The following ANKS1B variants were observed in gnomAD, a reference collection of about 807,000 sequenced individuals.
ANKS1B encodes the protein ankyrin repeat and sterile alpha motif domain containing 1B, also known as ankyrin repeat and sterile alpha motif domain-containing protein 1B.
A neutral mutation model predicts 148.3 loss-of-function variants in ANKS1B; 36 were observed. The observed-to-expected ratio is 0.24, with a 90% confidence interval of 0.19 to 0.32. ANKS1B has a LOEUF of 0.32. ANKS1B is among the 10% of genes least tolerant of loss of function. The pLI is 1.00. For missense variants in ANKS1B, 1,157 were observed against 1,542.6 expected (o/e 0.75, Z 4.19); for synonymous variants, 542 against 560.8 (o/e 0.97, Z 0.47).
chr12:99,066,050 T>G (rs933645099), intron 16 of ANKS1B, among the ~76,000 whole-genome samples: 3 of 152,042 alleles, frequency 2.0e-5, no homozygotes, highest in African/African-American at 7.2e-5. Context: ...GCACAGTGAC[T>G]CATGTCTGTA....
intron 1 of ANKS1B, among the ~76,000 whole-genome samples, chr12:99,898,006 A>T (rs1218958724): frequency 6.6e-6 from 1 of 151,966 alleles, no homozygotes; most frequent in East Asian, 1.9e-4. Context: ...CAATGATGGA[A>T]GGCATAATTT....
chr12:99,890,287 C>T (rs546763968), intron 1 of ANKS1B, among the ~76,000 whole-genome samples: 13 of 151,954 alleles, frequency 8.6e-5, no homozygotes, highest in African/African-American at 2.9e-4. Flanking sequence ...ATTAGATTAC[C>T]CTCCCTAATG....
At chr12:99,640,861 A>C (rs1056492402) in intron 9 of ANKS1B, among the ~76,000 whole-genome samples, 1 of 152,226 alleles carries the variant, frequency 6.6e-6, no homozygotes, top group Non-Finnish European at 1.5e-5. Context: ...ATAAGGAGTC[A>C]TTACGACTTT....
intron 17 of ANKS1B, among the ~76,000 whole-genome samples, chr12:98,914,510 G>T (rs2099791408): frequency 6.6e-6 from 1 of 152,110 alleles, no homozygotes; most frequent in Non-Finnish European, 1.5e-5. Context: ...GCCAAAGAAA[G>T]TCCTTAGAGT....
At chr12:99,574,804 C>T (rs1440242345) in intron 9 of ANKS1B, among the ~76,000 whole-genome samples, 2 of 151,986 alleles carry the variant, frequency 1.3e-5, no homozygotes. Context: ...CTATGGAAAC[C>T]TTACAATTAA....
At chr12:99,853,437 C>T (rs1565864773) in intron 1 of ANKS1B, among the ~76,000 whole-genome samples, 2 of 152,234 alleles carry the variant, frequency 1.3e-5, no homozygotes, top group East Asian at 3.9e-4. Flanking sequence ...CCAGTACCAG[C>T]CCAGAGCCTG....
At chr12:98,773,686 C>T (rs1005296108) in intron 24 of ANKS1B, among the ~76,000 whole-genome samples, 8 of 152,168 alleles carry the variant, frequency 5.3e-5, no homozygotes, top group Non-Finnish European at 7.3e-5. Context: ...GAACTCCTGA[C>T]CTCAGGTGAT....
intron 12 of ANKS1B, among the ~76,000 whole-genome samples, chr12:99,308,711 C>G (rs1229741309): frequency 2.6e-5 from 4 of 151,688 alleles, no homozygotes; most frequent in Non-Finnish European, 5.9e-5. Context: ...TGAATAACAT[C>G]TCTATGATAT....
At chr12:98,977,939 A>C (rs2099900207) in intron 17 of ANKS1B, among the ~76,000 whole-genome samples, 1 of 152,146 alleles carries the variant, frequency 6.6e-6, no homozygotes, top group Non-Finnish European at 1.5e-5. Context: ...AGCTCATCAA[A>C]CTATGGAATT....
intron 14 of ANKS1B, among the ~76,000 whole-genome samples, chr12:99,227,591 G>C (rs1235491203): frequency 6.6e-6 from 1 of 152,112 alleles, no homozygotes; most frequent in Non-Finnish European, 1.5e-5. Flanking sequence ...GCAAGAAATG[G>C]GCAATTGTGA....
chr12:98,827,678 T>C (rs1267692980), intron 19 of ANKS1B, among the ~76,000 whole-genome samples: 6 of 152,300 alleles, frequency 3.9e-5, no homozygotes, highest in Middle Eastern at 3.4e-3. Context: ...CCCTGCAGTA[T>C]ATGGAGAAAT....
intron 9 of ANKS1B, among the ~76,000 whole-genome samples, chr12:99,551,582 A>G: frequency 7.0e-6 from 1 of 142,890 alleles, no homozygotes; most frequent in Non-Finnish European, 1.5e-5. Flanking sequence ...GAGGAAGAAT[A>G]CTCTGGAGCA....
intron 17 of ANKS1B, among the ~76,000 whole-genome samples, chr12:98,875,786 G>C (rs2152444929): frequency 6.6e-6 from 1 of 152,226 alleles, no homozygotes; most frequent in Admixed American, 6.5e-5. Context: ...AGGCAGGCCT[G>C]GGTTTGTGAT....
At chr12:98,803,203 A>G (rs549800865) in intron 20 of ANKS1B, among the ~76,000 whole-genome samples, 3 of 152,232 alleles carry the variant, frequency 2.0e-5, no homozygotes, top group Admixed American at 6.5e-5. Context: ...AAAAACTAGT[A>G]TAAAATTCAA....
At chr12:99,732,161 G>C (rs1286229041) in intron 8 of ANKS1B, among the ~76,000 whole-genome samples, 2 of 152,120 alleles carry the variant, frequency 1.3e-5, no homozygotes, top group African/African-American at 2.4e-5. Context: ...GATATATATA[G>C]CAAGGGTACA....
intron 10 of ANKS1B, among the ~76,000 whole-genome samples, chr12:99,464,316 A>G (rs1018823450): frequency 1.3e-5 from 2 of 152,186 alleles, no homozygotes; most frequent in African/African-American, 4.8e-5. Context: ...AAAAACCAAA[A>G]GTAGATAAAA....
intron 17 of ANKS1B, among the ~76,000 whole-genome samples, chr12:98,861,937 G>C (rs1054145518): frequency 1.3e-5 from 2 of 152,200 alleles, no homozygotes; most frequent in Admixed American, 6.5e-5. Context: ...TTTGGGGTGA[G>C]TGTTCTCTTA....
chr12:99,451,765 C>T (rs570000423), intron 10 of ANKS1B, among the ~76,000 whole-genome samples: 1 of 149,676 alleles, frequency 6.7e-6, no homozygotes, highest in South Asian at 2.1e-4. Context: ...GTTACAAAGA[C>T]AAATGAGGCA....
chr12:98,971,269 C>T (rs2099882868), intron 17 of ANKS1B, among the ~76,000 whole-genome samples: 1 of 152,210 alleles, frequency 6.6e-6, no homozygotes. Flanking sequence ...TATCATCCTA[C>T]ATTAATTAAA....
Sources: allele counts gnomAD v4.1 joint callset (sites outside exome capture counted in the v4.1 genomes callset), GRCh38; gene constraint gnomAD v4.1.1; transcripts MANE v1.5; gene names NCBI Gene and HGNC (gene_info 2026-07-23, HGNC 2026-07-21).